Variants in KCNV1 observed in about 807,000 individuals in gnomAD.
The protein encoded by KCNV1 is potassium voltage-gated channel modifier subfamily V member 1, also known as potassium voltage-gated channel subfamily V member 1.
In KCNV1, 2 loss-of-function variants were observed where a neutral mutation model predicts 36.4. The ratio of observed to expected loss-of-function variants is 0.05; its 90% CI spans 0.02 to 0.17. The LOEUF (loss-of-function observed/expected upper bound fraction) is 0.17. KCNV1 is among the 10% of genes least tolerant of loss of function. The probability of loss-of-function intolerance (pLI) is 1.00; values close to 1 mark genes in which losing one functional copy is unlikely to be tolerated. For synonymous variants in KCNV1, 280 were observed against 261.1 expected, an observed-to-expected ratio of 1.07 and a Z score of -0.70; for missense variants, 321 against 643.6, an observed-to-expected ratio of 0.50 and a Z score of 5.42.
chr8:109,970,701 G>A (rs28470617), intron 3 of KCNV1, among the ~76,000 whole-genome samples: 138 of 152,192 alleles, frequency 9.1e-4, no homozygotes, highest in African/African-American at 2.9e-3. Flanking sequence ...TAATAATTAA[G>A]GGTTTACTAA....
In KCNV1 at chr8:109,964,060, G is replaced by A. The variant is rs1192671763; in HGVS notation, c.*4028C>T. ...AAGGAACCTATCAACAGAGTGAACA[G>A]ACAACCTACAGATTGGGGGAAAATA... On this transcript the variant is annotated 3_prime_UTR_variant, in exon 4 of 4. Coordinates refer to ENST00000524391, the MANE Select transcript of KCNV1 (RefSeq NM_014379.4). The A allele has an allele frequency of 6.6e-6, 1 of 152,016 alleles. No homozygotes were observed. The highest frequency in any genetic ancestry group is 2.1e-4 in the South Asian group (1 of 4,836). 9.4% of individuals were successfully genotyped at this position (152,016 alleles called of 1,614,324 possible). A position where few individuals can be genotyped will look rare whatever the true frequency, so the allele number is the denominator to read the frequency against.
chr8:109,971,784 G>T (rs1031174999), intron 3 of KCNV1, among the ~76,000 whole-genome samples: 10 of 152,098 alleles, frequency 6.6e-5, no homozygotes, highest in African/African-American at 2.4e-4. Context: ...TGCATGGCCA[G>T]AGAAGGCTCT....
chr8:109,968,139 G>C lies in KCNV1; in HGVS notation c.1452C>G (p.Gly484=). Residue 484 remains glycine, a synonymous_variant, in exon 4 of 4, where the codon GGC becomes GGG. Coordinates refer to ENST00000524391, the MANE Select transcript of KCNV1 (RefSeq NM_014379.4). The surrounding 1 kb of genome is among the most constrained non-coding windows in gnomAD (Gnocchi z 5.3). The stretch of plus-strand genomic sequence containing the variant: ...TGCTCCTAGTACTTGCTCTTTCTCT[G>C]CCTTTCAGTCGCAGCATCTCCATGA... ...RSIMEMLRLK[G]RERASTRSSG... is the part of the protein sequence containing the mutation. 1 of 1,614,092 alleles carries C rather than the reference G, an allele frequency of 6.2e-7. No homozygotes were observed. The highest frequency in any genetic ancestry group is 8.5e-7 in the Non-Finnish European group (1 of 1,179,998).
rs1304259309 is a variant in KCNV1, at chr8:109,966,440, A to G, written c.*1648T>C. 1 of 152,244 alleles carries G rather than the reference A, an allele frequency of 6.6e-6. No individual in the cohort carries two copies. The highest frequency in any genetic ancestry group is 2.4e-5 in the African/African-American group (1 of 41,470). 9.4% of individuals were successfully genotyped at this position (152,244 alleles called of 1,614,324 possible). The stretch of plus-strand genomic sequence containing the variant: ...AGGAGAAGTGGAAACAAGTTAAATG[A>G]ATTAAAGTACTTTAGCACACAATCT... On this transcript the variant is annotated 3_prime_UTR_variant, in exon 4 of 4. Transcript: ENST00000524391.
In KCNV1 at chr8:109,964,138, T is replaced by TTG. The variant is rs1819918552; in HGVS notation, c.*3949_*3950insCA. ...TAATATTCCAGCATCTATAAGAAAC[T>TTG]TAAACAAATTTACAAGAAAAAAAAA... is the stretch of plus-strand genomic sequence containing the variant. On this transcript the variant is annotated 3_prime_UTR_variant, in exon 4 of 4. Coordinates refer to ENST00000524391, the MANE Select transcript of KCNV1 (RefSeq NM_014379.4). 6.6e-6 allele frequency: 1 copy of TTG among 151,360 alleles called. No individual in the cohort carries two copies. The highest frequency in any genetic ancestry group is 2.1e-4 in the South Asian group (1 of 4,804). The allele number at this position is 151,360 out of a possible 1,614,324, so 9.4% of individuals were successfully genotyped here.
intron 1 of KCNV1, 49 bp from the exon 2 acceptor site, chr8:109,975,241 A>T (rs1461978473): frequency 6.7e-6 from 1 of 148,626 alleles, no homozygotes; most frequent in Non-Finnish European, 1.5e-5. Context: ...TTGAAGACCC[A>T]GTGGGTCACT....
Position 109,968,741 on chromosome 8 carries a change from G to C in KCNV1, c.992-142C>G. 1.3e-6 allele frequency: 1 copy of C among 792,096 alleles called. No individual in the cohort carries two copies. Among genetic ancestry groups the C allele is most frequent in the Non-Finnish European group, 1.9e-6 (1 of 525,200 alleles). 49.1% of individuals were successfully genotyped at this position (792,096 alleles called of 1,614,324 possible). A position where few individuals can be genotyped will look rare whatever the true frequency, so the allele number is the denominator to read the frequency against. On this transcript the variant is annotated intron_variant, in intron 3 of 3. Coordinates refer to ENST00000524391, the MANE Select transcript of KCNV1 (RefSeq NM_014379.4). The surrounding 1 kb of genome is among the most constrained non-coding windows in gnomAD (Gnocchi z 5.3). Reference sequence around the variant, plus strand: ...CCCCAGCACTGGGCAATGTTCTGGGGATACAAAGTTGATTAAATCATAATC... The same window carrying C: ...CCCCAGCACTGGGCAATGTTCTGGGCATACAAAGTTGATTAAATCATAATC...
At position 109,966,336 on chromosome 8, in the gene KCNV1, C is replaced by T. The variant is rs1411513347; in HGVS notation, c.*1752G>A. ...ATGACTAGTGGCCCTGTGCCACAAT[C>T]TAGCACCCATGTATGTGTGTAAGAA... is the stretch of plus-strand genomic sequence containing the variant. On this transcript the variant is annotated 3_prime_UTR_variant, in exon 4 of 4. Transcript: ENST00000524391. The T allele has an allele frequency of 6.6e-6, 1 of 152,134 alleles. No individual in the cohort carries two copies. The highest frequency in any genetic ancestry group is 2.4e-5 in the African/African-American group (1 of 41,414). 9.4% of individuals were successfully genotyped at this position (152,134 alleles called of 1,614,324 possible).
Position 109,974,469 on chromosome 8 carries a change from A to AC in KCNV1, c.-82dup. On this transcript the variant is annotated 5_prime_UTR_variant, in exon 2 of 4. Coordinates refer to ENST00000524391, the MANE Select transcript of KCNV1 (RefSeq NM_014379.4). This position sits in a 1 kb window ranked among gnomAD's most constrained non-coding sequence, Gnocchi z 6.2. Reference sequence around the variant, plus strand: ...GCTTTGGTCCCGCGAGGGCGGTGGCACGGCCCCTGGTGGCGGCCGGGATTC... The same window carrying AC: ...GCTTTGGTCCCGCGAGGGCGGTGGCACCGGCCCCTGGTGGCGGCCGGGATTC... The AC allele has an allele frequency of 9.3e-7, 1 of 1,076,678 alleles. No individual in the cohort carries two copies. Among genetic ancestry groups the AC allele is most frequent in the South Asian group, 1.7e-5 (1 of 60,244 alleles). 66.7% of individuals were successfully genotyped at this position (1,076,678 alleles called of 1,614,324 possible). A position where few individuals can be genotyped will look rare whatever the true frequency, so the allele number is the denominator to read the frequency against.
In KCNV1 at chr8:109,967,019, T is replaced by G. The variant is rs931227450; in HGVS notation, c.*1069A>C. 2 of 152,186 alleles carry G rather than the reference T, an allele frequency of 1.3e-5. No homozygotes were observed. The highest frequency in any genetic ancestry group is 2.4e-5 in the African/African-American group (1 of 41,468). 9.4% of individuals were successfully genotyped at this position (152,186 alleles called of 1,614,324 possible). ...GAGCTAGTTCTTAGCTTTAGAGGTTTTGGCTTTAATTATATAATACAATGT... is the reference window on the plus strand; with the variant it reads ...GAGCTAGTTCTTAGCTTTAGAGGTTGTGGCTTTAATTATATAATACAATGT... On this transcript the variant is annotated 3_prime_UTR_variant, in exon 4 of 4. Coordinates refer to ENST00000524391, the MANE Select transcript of KCNV1 (RefSeq NM_014379.4).
chr8:109,974,032 G>A lies in KCNV1; in HGVS notation c.357C>T (p.Thr119=). Residue 119 remains threonine (T), a synonymous_variant, in exon 2 of 4, where the codon ACC becomes ACT. Coordinates refer to ENST00000524391, the MANE Select transcript of KCNV1 (RefSeq NM_014379.4). This position sits in a 1 kb window ranked among gnomAD's most constrained non-coding sequence, Gnocchi z 6.2. ...AFRYVLHYYR[T]GRLHVMEQLC... ...GCTGCTCCATGACATGCAGGCGGCC[G>A]GTGCGGTAGTAGTGCAGGACATATC... The A allele has an allele frequency of 6.2e-7, 1 of 1,613,384 alleles. No homozygotes were observed. Among genetic ancestry groups the A allele is most frequent in the African/African-American group, 1.3e-5 (1 of 75,056 alleles).
chr8:109,967,871 T>G lies in KCNV1; in HGVS notation c.*217A>C. 2.1e-6 allele frequency: 1 copy of G among 478,688 alleles called. No homozygotes were observed. 29.7% of individuals were successfully genotyped at this position (478,688 alleles called of 1,614,324 possible). ...ATTGGCCCAGTTGTATTTGGTTGTG[T>G]TAATTGGCTATTTTGGACACTCAAA... On this transcript the variant is annotated 3_prime_UTR_variant, in exon 4 of 4. Transcript: ENST00000524391.
At position 109,968,141 on chromosome 8, in the gene KCNV1, C is replaced by G; in HGVS notation, c.1450G>C (p.Gly484Arg). The change falls in exon 4 of 4, where the codon GGC becomes CGC. Residue 484 changes from glycine to arginine, a missense_variant. Around this residue, in one of 5 missense-constraint regions of KCNV1, gnomAD observed 45 missense variants for 76.8 expected, o/e 0.59. Transcript: ENST00000524391. This position sits in a 1 kb window ranked among gnomAD's most constrained non-coding sequence, Gnocchi z 5.3. ...RSIMEMLRLK[G>R]RERASTRSSG... ...CTCCTAGTACTTGCTCTTTCTCTGCCTTTCAGTCGCAGCATCTCCATGATA... is the reference window on the plus strand; with the variant it reads ...CTCCTAGTACTTGCTCTTTCTCTGCGTTTCAGTCGCAGCATCTCCATGATA... The G allele has an allele frequency of 6.2e-7, 1 of 1,614,110 alleles. No individual in the cohort carries two copies. Among genetic ancestry groups the G allele is most frequent in the Non-Finnish European group, 8.5e-7 (1 of 1,179,986 alleles).
chr8:109,969,865 A>G (rs1819988961), intron 3 of KCNV1, among the ~76,000 whole-genome samples: 1 of 147,770 alleles, frequency 6.8e-6, no homozygotes, highest in South Asian at 2.1e-4. Flanking sequence ...AAAAAAAAAA[A>G]AAGAAAGAAA....
At position 109,965,922 on chromosome 8, in the gene KCNV1, C is replaced by T. The variant is rs1819939173; in HGVS notation, c.*2166G>A. The T allele has an allele frequency of 1.3e-5, 2 of 152,244 alleles. No individual in the cohort carries two copies. Among genetic ancestry groups the T allele is most frequent in the African/African-American group, 2.4e-5 (1 of 41,552 alleles). The allele number at this position is 152,244 out of a possible 1,614,324, so 9.4% of individuals were successfully genotyped here. A position where few individuals can be genotyped will look rare whatever the true frequency, so the allele number is the denominator to read the frequency against. On this transcript the variant is annotated 3_prime_UTR_variant, in exon 4 of 4. Transcript: ENST00000524391. ...CAGCGCTGGCTCTGCCATCTATAGC[C>T]TGTGTGAATTTAGGCAAGTTTATAC...
rs1820052653 is a variant in KCNV1 at position 109,974,361 on chromosome 8, C to T, written c.28G>A (p.Asp10Asn). 6.6e-7 allele frequency: 1 copy of T among 1,513,308 alleles called. No homozygotes were observed. Among genetic ancestry groups the T allele is most frequent in the Non-Finnish European group, 8.8e-7 (1 of 1,136,906 alleles). The allele number at this position is 1,513,308 out of a possible 1,614,324, so 93.7% of individuals were successfully genotyped here. Reference sequence around the variant, plus strand: ...AGGGAGCCGCTGTCCAGCGGCGAGTCCAGCAGCGCTCTGCCGCTGGAAGGC... The same window carrying T: ...AGGGAGCCGCTGTCCAGCGGCGAGTTCAGCAGCGCTCTGCCGCTGGAAGGC... Reference protein sequence around the residue: MPSSGRALLDSPLDSGSLTS... With the variant: MPSSGRALLNSPLDSGSLTS... Residue 10 changes from aspartate to asparagine, a missense_variant, in exon 2 of 4, where the codon GAC (aspartate) becomes AAC (asparagine). By Grantham distance (23) the Asp-to-Asn change is conservative (BLOSUM62 1). This residue lies in a region of KCNV1 where 39 missense variants were observed against 50.8 expected (regional missense o/e 0.77). Coordinates refer to ENST00000524391, the MANE Select transcript of KCNV1 (RefSeq NM_014379.4). This position sits in a 1 kb window ranked among gnomAD's most constrained non-coding sequence, Gnocchi z 6.2.
At chr8:109,973,291 AT>A (rs1820035313) in intron 2 of KCNV1, among the ~76,000 whole-genome samples, 1 of 152,134 alleles carries the variant, frequency 6.6e-6, no homozygotes, top group Admixed American at 6.5e-5. Context: ...CTGGATTATA[AT>A]TTTTAAAATG....
At chr8:109,970,581 T>A (rs2130897058) in intron 3 of KCNV1, among the ~76,000 whole-genome samples, 1 of 152,296 alleles carries the variant, frequency 6.6e-6, no homozygotes, top group East Asian at 1.9e-4. Context: ...CTATAACATC[T>A]CTCAATTTGA....
intron 3 of KCNV1, among the ~76,000 whole-genome samples, chr8:109,970,833 T>G (rs1820001432): frequency 6.6e-6 from 1 of 152,228 alleles, no homozygotes; most frequent in Admixed American, 6.5e-5. Flanking sequence ...GTTTTTAAAT[T>G]GAGTCTTGTG....
Sources: allele counts gnomAD v4.1 joint callset (sites outside exome capture counted in the v4.1 genomes callset), GRCh38; gene constraint gnomAD v4.1.1; regional missense constraint gnomAD v4.1.1; non-coding constraint Gnocchi (gnomAD v3.1); transcripts MANE v1.5; gene names NCBI Gene and HGNC (gene_info 2026-07-23, HGNC 2026-07-21).